Variants in MAGI3 observed in about 807,000 individuals in gnomAD.
MAGI3 encodes membrane associated guanylate kinase, WW and PDZ domain containing 3.
MAGI3 carries 43 observed loss-of-function variants against 121.8 expected under a neutral mutation model. The ratio of observed to expected loss-of-function variants is 0.35; its 90% CI spans 0.28 to 0.46. The LOEUF (loss-of-function observed/expected upper bound fraction) is 0.46, where lower values mean the gene tolerates loss of function less well. Ranked by LOEUF, MAGI3 falls within the 20% of genes least tolerant of loss-of-function variation. MAGI3 has a pLI of 1.00. For synonymous variants in MAGI3, 553 were observed against 639.3 expected, an observed-to-expected ratio of 0.86 and a Z score of 2.04; for missense variants, 1,547 against 1,797.3, an observed-to-expected ratio of 0.86 and a Z score of 2.52.
At chr1:113,416,335 A>T (rs1440723216) in intron 1 of MAGI3, among the ~76,000 whole-genome samples, 1 of 42,284 alleles carries the variant, frequency 2.4e-5, no homozygotes, top group Non-Finnish European at 4.7e-5. Flanking sequence ...ATTATATATC[A>T]ATCATATATT....
chr1:113,509,571 C>T lies in MAGI3; in HGVS notation c.317-39944C>T, dbSNP rs976760461. ...AGCTATAAAGTGAACGTACTGAGAC[C>T]GACAGGACAGCAAGAAGGCATTTGC... On this transcript the variant is annotated intron_variant, in intron 1 of 20. Coordinates refer to ENST00000307546, the MANE Select transcript of MAGI3 (RefSeq NM_001142782.2). Among the ~76,000 whole-genome samples, 6 of 125,082 alleles carry T rather than the reference C, an allele frequency of 4.8e-5. No individual in the cohort carries two copies. The South Asian group carries it at 8.7e-4, about 18-fold the overall frequency. 82.1% of individuals were successfully genotyped at this position (125,082 alleles called of 152,430 possible). A position where few individuals can be genotyped will look rare whatever the true frequency, so the allele number is the denominator to read the frequency against.
At chr1:113,416,390 A>G (rs1652407981) in intron 1 of MAGI3, among the ~76,000 whole-genome samples, 1 of 110,388 alleles carries the variant, frequency 9.1e-6, no homozygotes. Flanking sequence ...AATAATATAT[A>G]TTAATTATTA....
intron 9 of MAGI3, among the ~76,000 whole-genome samples, chr1:113,624,492 A>G (rs1651097234): frequency 2.6e-5 from 4 of 152,096 alleles, no homozygotes; most frequent in African/African-American, 9.7e-5. Context: ...TGCTGTTTCT[A>G]TGTCTTCTAT....
chr1:113,586,577 TA>T (rs1208744349), intron 4 of MAGI3, among the ~76,000 whole-genome samples: 2 of 152,200 alleles, frequency 1.3e-5, no homozygotes, highest in African/African-American at 4.8e-5. Context: ...ATGTAAATAC[TA>T]AAAACAGGTT....
At chr1:113,549,159 G>T (rs1439509842) in intron 1 of MAGI3, among the ~76,000 whole-genome samples, 1 of 152,118 alleles carries the variant, frequency 6.6e-6, no homozygotes, top group Non-Finnish European at 1.5e-5. Flanking sequence ...GCTTGGCAGA[G>T]GTAGATCAAG....
chr1:113,648,424 T>C (rs1422595046), intron 12 of MAGI3, among the ~76,000 whole-genome samples: 5 of 151,648 alleles, frequency 3.3e-5, no homozygotes, highest in Non-Finnish European at 7.4e-5. Flanking sequence ...CTTTTTTTTT[T>C]TTTTTGAGAT....
intron 1 of MAGI3, among the ~76,000 whole-genome samples, chr1:113,516,820 A>C (rs1657931385): frequency 6.6e-6 from 1 of 152,022 alleles, no homozygotes; most frequent in South Asian, 2.1e-4. Flanking sequence ...TTTAAAGTTA[A>C]CTTCAGCAGT....
intron 5 of MAGI3, among the ~76,000 whole-genome samples, chr1:113,591,770 G>GC (rs35085741): frequency 6.6e-6 from 1 of 152,044 alleles, no homozygotes; most frequent in East Asian, 1.9e-4. Flanking sequence ...TTAGAACTAA[G>GC]CCCCAAAATA....
intron 4 of MAGI3, 33 bp downstream of exon 4, chr1:113,585,629 C>A: frequency 6.5e-7 from 1 of 1,549,030 alleles, no homozygotes; most frequent in Non-Finnish European, 8.8e-7. Context: ...TCTAACTGAT[C>A]TTCTAGATTG....
At chr1:113,573,249 T>G (rs1445057208) in intron 2 of MAGI3, among the ~76,000 whole-genome samples, 1 of 152,228 alleles carries the variant, frequency 6.6e-6, no homozygotes. Context: ...TTTGAATTTG[T>G]TTGCTCTTGC....
At chr1:113,480,562 G>A (rs934323106) in intron 1 of MAGI3, among the ~76,000 whole-genome samples, 1 of 152,180 alleles carries the variant, frequency 6.6e-6, no homozygotes, top group African/African-American at 2.4e-5. Flanking sequence ...AAGGTCTGTG[G>A]TGAAGTCATG....
At chr1:113,538,852 T>C (rs1445993481) in intron 1 of MAGI3, among the ~76,000 whole-genome samples, 3 of 152,222 alleles carry the variant, frequency 2.0e-5, no homozygotes, top group Non-Finnish European at 4.4e-5. Flanking sequence ...AAATAATATT[T>C]ATTTTGAAGA....
At chr1:113,531,685 C>CT (rs1372519706) in intron 1 of MAGI3, among the ~76,000 whole-genome samples, 1 of 112,316 alleles carries the variant, frequency 8.9e-6, no homozygotes, top group Admixed American at 1.4e-4. Flanking sequence ...TTCCCCGACT[C>CT]TATGTTTGAA....
chr1:113,484,966 T>C (rs1656310770), intron 1 of MAGI3, among the ~76,000 whole-genome samples: 2 of 151,722 alleles, frequency 1.3e-5, no homozygotes, highest in Non-Finnish European at 2.9e-5. Flanking sequence ...TCTCTTGACC[T>C]TGTGATCTGC....
At chr1:113,578,469 G>T (rs1647797043) in intron 2 of MAGI3, among the ~76,000 whole-genome samples, 1 of 151,780 alleles carries the variant, frequency 6.6e-6, no homozygotes, top group African/African-American at 2.4e-5. Context: ...GAGTGCAGTG[G>T]TGCTGCAATG....
chr1:113,550,779 G>GA (rs971369565), intron 2 of MAGI3, among the ~76,000 whole-genome samples: 28 of 148,790 alleles, frequency 1.9e-4, no homozygotes, highest in Non-Finnish European at 3.6e-4. Context: ...AGAAAAAAAC[G>GA]AAAAAAAATA....
intron 1 of MAGI3, among the ~76,000 whole-genome samples, chr1:113,471,175 T>A (rs929381866): frequency 6.6e-6 from 1 of 152,190 alleles, no homozygotes; most frequent in Non-Finnish European, 1.5e-5. Context: ...AGAAAATACA[T>A]TCTTTTGAAG....
chr1:113,675,049 A>C (rs573019996), intron 19 of MAGI3, among the ~76,000 whole-genome samples: 1 of 152,342 alleles, frequency 6.6e-6, no homozygotes, highest in East Asian at 1.9e-4. Context: ...GCGTAGATGA[A>C]TAGAGGAAAT....
chr1:113,615,951 G>A (rs1650433349), intron 7 of MAGI3, among the ~76,000 whole-genome samples: 3 of 152,110 alleles, frequency 2.0e-5, no homozygotes, highest in Admixed American at 1.3e-4. Context: ...TCCCCTCAAA[G>A]TTTAGTCTAT....
Sources: gnomAD v4.1 joint callset for allele counts (sites outside exome capture counted in the v4.1 genomes callset) on GRCh38, gnomAD v4.1.1 for gene constraint, MANE v1.5 for transcripts, NCBI Gene and HGNC (gene_info 2026-07-23, HGNC 2026-07-21) for gene names.